Variants in EIF4G3 observed in about 807,000 individuals in gnomAD.
The protein encoded by EIF4G3 is eIF-4-gamma 3.
Under a neutral mutation model 186.4 loss-of-function variants are expected in EIF4G3, and 34 were observed. That is an observed-to-expected ratio of 0.18 (90% CI 0.14 to 0.24). The LOEUF (loss-of-function observed/expected upper bound fraction) is 0.24. EIF4G3 is among the 10% of genes least tolerant of loss of function. EIF4G3 has a pLI of 1.00. For missense variants in EIF4G3, 1,536 were observed against 1,948.5 expected (o/e 0.79, Z 3.99); for synonymous variants, 673 against 679.5 (o/e 0.99, Z 0.15).
intron 24 of EIF4G3, 74 bp downstream of exon 24, chr1:20,860,311 C>G (rs934172657): frequency 1.3e-6 from 2 of 1,589,622 alleles, no homozygotes; most frequent in African/African-American, 2.7e-5. Flanking sequence ...TCATTTTATA[C>G]CTAAATACAT....
rs2095504092 is a variant in EIF4G3 at position 21,073,602 on chromosome 1, T to C, written c.-196+15536A>G. Reference sequence around the variant, plus strand: ...CACAGGAACTGTAGGCCTCACAGCATGGACCCCTCTAAGTCTCCCTGGGCA... The same window carrying C: ...CACAGGAACTGTAGGCCTCACAGCACGGACCCCTCTAAGTCTCCCTGGGCA... On this transcript the variant is annotated intron_variant, in intron 3 of 36. Coordinates refer to ENST00000602326, the MANE Select transcript of EIF4G3 (RefSeq NM_001391906.1). 5 of 505,326 alleles carry C rather than the reference T, an allele frequency of 9.9e-6. No individual in the cohort carries two copies. The Admixed American group carries it at 1.0e-4, about 10-fold the overall frequency. 31.3% of individuals were successfully genotyped at this position (505,326 alleles called of 1,614,324 possible).
intron 4 of EIF4G3, among the ~76,000 whole-genome samples, chr1:21,025,929 T>C (rs1183992341): frequency 6.6e-6 from 1 of 152,174 alleles, no homozygotes; most frequent in Non-Finnish European, 1.5e-5. Flanking sequence ...AATTATCCCC[T>C]GTTCATGAAC....
At chr1:21,149,651 T>G (rs1196724767) in intron 2 of EIF4G3, among the ~76,000 whole-genome samples, 3 of 152,112 alleles carry the variant, frequency 2.0e-5, no homozygotes, top group Non-Finnish European at 4.4e-5. Flanking sequence ...CACAGCAACT[T>G]TAATTCTCTA....
chr1:20,831,330 G>A (rs1056206749), intron 30 of EIF4G3, among the ~76,000 whole-genome samples: 10 of 148,112 alleles, frequency 6.8e-5, no homozygotes, highest in Non-Finnish European at 1.0e-4. Context: ...ATGTTCCTGG[G>A]CAATGTGGGA....
chr1:20,948,863 G>T (rs1236179126), intron 13 of EIF4G3, among the ~76,000 whole-genome samples: 1 of 151,010 alleles, frequency 6.6e-6, no homozygotes, highest in Non-Finnish European at 1.5e-5. Context: ...ACAAAAATTA[G>T]CTGGGCATGG....
intron 36 of EIF4G3, among the ~76,000 whole-genome samples, chr1:20,808,139 C>A (rs943215663): frequency 6.6e-6 from 1 of 151,996 alleles, no homozygotes; most frequent in African/African-American, 2.4e-5. Context: ...TCATCTTGGC[C>A]TCCCAAAGTG....
At chr1:21,087,723 T>C (rs947976464) in intron 3 of EIF4G3, among the ~76,000 whole-genome samples, 2 of 152,048 alleles carry the variant, frequency 1.3e-5, no homozygotes, top group Admixed American at 1.3e-4. Flanking sequence ...AAGCTCCGCC[T>C]CCTGGGTTCA....
intron 30 of EIF4G3, among the ~76,000 whole-genome samples, chr1:20,838,544 G>A (rs1388661073): frequency 6.6e-6 from 1 of 152,164 alleles, no homozygotes; most frequent in African/African-American, 2.4e-5. Context: ...TTACTGGACT[G>A]AATTGGAGGC....
At chr1:20,956,625 A>AAAC (rs1411811376) in intron 12 of EIF4G3, among the ~76,000 whole-genome samples, 1 of 151,620 alleles carries the variant, frequency 6.6e-6, no homozygotes, top group Middle Eastern at 3.2e-3. Context: ...TACAAAAAAA[A>AAAC]AAAAAAAAAA....
chr1:20,872,542 A>T (rs1200885964), intron 20 of EIF4G3, among the ~76,000 whole-genome samples: 1 of 152,068 alleles, frequency 6.6e-6, no homozygotes, highest in Admixed American at 6.6e-5. Context: ...TTCAGCAATA[A>T]ATTATGAAAA....
At chr1:21,028,935 G>C (rs1354434946) in intron 4 of EIF4G3, among the ~76,000 whole-genome samples, 1 of 152,270 alleles carries the variant, frequency 6.6e-6, no homozygotes, top group South Asian at 2.1e-4. Flanking sequence ...GCCCAAGCGG[G>C]AGTTCATGAT....
intron 2 of EIF4G3, among the ~76,000 whole-genome samples, chr1:21,150,364 A>C (rs1344417873): frequency 1.3e-5 from 2 of 152,240 alleles, no homozygotes; most frequent in African/African-American, 4.8e-5. Flanking sequence ...GCTTTAAAAA[A>C]AGATGCCTAT....
intron 3 of EIF4G3, among the ~76,000 whole-genome samples, chr1:21,084,249 AAAG>A (rs1438411585): frequency 6.6e-6 from 1 of 151,464 alleles, no homozygotes; most frequent in African/African-American, 2.4e-5. Flanking sequence ...AAAAAAAAAG[AAAG>A]AAAAAAAAGA....
chr1:20,947,415 G>A (rs2096006465), intron 13 of EIF4G3, among the ~76,000 whole-genome samples: 1 of 151,160 alleles, frequency 6.6e-6, no homozygotes, highest in South Asian at 2.1e-4. Context: ...AAAAAATAGT[G>A]AGCCCTTTCT....
intron 2 of EIF4G3, among the ~76,000 whole-genome samples, chr1:21,114,714 T>TA (rs201551229): frequency 3.4e-5 from 5 of 149,102 alleles, no homozygotes; most frequent in African/African-American, 9.7e-5. Flanking sequence ...CAACACTTAA[T>TA]AAAAAAAATT....
chr1:20,942,107 G>C lies in EIF4G3; in HGVS notation c.1047C>G (p.Phe349Leu), dbSNP rs758761712. The C allele has an allele frequency of 1.8e-5, 29 of 1,614,018 alleles. No homozygotes were observed. In the Middle Eastern group the frequency reaches 4.9e-4, roughly 27 times the overall value. ...CACATCTGTCATCTATAGCAGTGGT[G>C]AATATTGGTTGGCTACTAAGAGCAG... Reference protein sequence around the residue: ...TSSALSSQPIFTTAIDDRCEL... With the variant: ...TSSALSSQPILTTAIDDRCEL... Residue 349 changes from phenylalanine (F) to leucine (L), a missense_variant, in exon 14 of 37, where the codon TTC (phenylalanine) becomes TTG (leucine). Phe to Leu is a conservative substitution (Grantham distance 22). Around this residue, in one of 11 missense-constraint regions of EIF4G3, gnomAD observed 560 missense variants for 547.8 expected, o/e 1.02. Coordinates refer to ENST00000602326, the MANE Select transcript of EIF4G3 (RefSeq NM_001391906.1).
chr1:21,081,636 A>AT (rs566655576), intron 3 of EIF4G3, among the ~76,000 whole-genome samples: 8,177 of 122,728 alleles, frequency 0.067, 433 homozygotes, highest in East Asian at 0.13. Context: ...GATGAGTCCA[A>AT]TTTTTTTTTT....
intron 12 of EIF4G3, among the ~76,000 whole-genome samples, chr1:20,962,797 C>T (rs986965660): frequency 3.9e-5 from 6 of 152,096 alleles, no homozygotes; most frequent in Admixed American, 2.6e-4. Flanking sequence ...TACTCTCAAC[C>T]CTTGAGCTTA....
At chr1:20,874,853 TC>T (rs1429991676) in intron 20 of EIF4G3, among the ~76,000 whole-genome samples, 3 of 152,216 alleles carry the variant, frequency 2.0e-5, no homozygotes, top group African/African-American at 7.2e-5. Flanking sequence ...TATTTAATAA[TC>T]CCATAATGTT....
Sources: gnomAD v4.1 joint callset for allele counts (sites outside exome capture counted in the v4.1 genomes callset) on GRCh38, gnomAD v4.1.1 for gene constraint, gnomAD v4.1.1 regional missense constraint, MANE v1.5 for transcripts, NCBI Gene and HGNC (gene_info 2026-07-23, HGNC 2026-07-21) for gene names.